NHLH2: variants seen among roughly 807,000 people sequenced by gnomAD.
NHLH2 encodes the protein helix-loop-helix protein 2.
Under a neutral mutation model 7.3 loss-of-function variants are expected in NHLH2, and 7 were observed. That is an observed-to-expected ratio of 0.96 (90% confidence interval 0.55 to 1.81). The LOEUF is 1.81. Ranked by LOEUF, NHLH2 falls within the 40% of genes most tolerant of loss-of-function variation. NHLH2 has a pLI of 0.00. For missense variants in NHLH2, 155 were observed against 194.0 expected, an observed-to-expected ratio of 0.80 and a Z score of 1.19; for synonymous variants, 93 against 91.6, an observed-to-expected ratio of 1.01 and a Z score of -0.09.
In NHLH2 at chr1:115,838,200, G is replaced by C. The variant is rs750596372; in HGVS notation, c.173C>G (p.Pro58Arg). ...CTCGCGGCTCAGCTGCTGCGGGTGCGGGTAGAGCGCGGCTCGGCTGCCGCC... is the reference window on the plus strand; with the variant it reads ...CTCGCGGCTCAGCTGCTGCGGGTGCCGGTAGAGCGCGGCTCGGCTGCCGCC... The part of the protein sequence containing the change: ...GKGGSRAALY[P>R]HPQQLSREEK... The change falls in exon 3 of 3, where the codon CCG becomes CGG. Residue 58 changes from proline (P) to arginine (R), a missense_variant. Coordinates refer to ENST00000320238, the MANE Select transcript of NHLH2 (RefSeq NM_005599.3). 3.2e-6 allele frequency: 5 copies of C among 1,567,118 alleles called. No homozygotes were observed. The highest frequency in any genetic ancestry group is 2.3e-5 in the South Asian group (2 of 86,420).
In NHLH2 at chr1:115,837,887, C is replaced by A; in HGVS notation, c.*78G>T. ...CGCTGGGCCACCGCAGCCTCCGCCA[C>A]CCGAGCGACGGCGCCCGTCCGGATC... On this transcript the variant is annotated 3_prime_UTR_variant, in exon 3 of 3. Coordinates refer to ENST00000320238, the MANE Select transcript of NHLH2 (RefSeq NM_005599.3). The A allele has an allele frequency of 1.4e-6, 2 of 1,477,154 alleles. No homozygotes were observed. The highest frequency in any genetic ancestry group is 1.8e-6 in the Non-Finnish European group (2 of 1,109,006). The allele number at this position is 1,477,154 out of a possible 1,614,324, so 91.5% of individuals were successfully genotyped here.
Position 115,836,388 on chromosome 1 carries a change from C to T in NHLH2, c.*1577G>A, listed in dbSNP as rs1650871966. The T allele has an allele frequency of 6.6e-6, 1 of 152,418 alleles. No individual in the cohort carries two copies. Among genetic ancestry groups the T allele is most frequent in the South Asian group, 2.1e-4 (1 of 4,830 alleles). The allele number at this position is 152,418 out of a possible 1,614,324, so 9.4% of individuals were successfully genotyped here. ...ATAAAAGAGAGGACTTTATTTGATA[C>T]CTTTATTTATATGCAAAACAGCGCA... On this transcript the variant is annotated 3_prime_UTR_variant, in exon 3 of 3. Coordinates refer to ENST00000320238, the MANE Select transcript of NHLH2 (RefSeq NM_005599.3).
chr1:115,838,208 C>G lies in NHLH2; in HGVS notation c.165G>C (p.Ala55=). Residue 55 remains alanine, a synonymous_variant, in exon 3 of 3, where the codon GCG becomes GCC. Coordinates refer to ENST00000320238, the MANE Select transcript of NHLH2 (RefSeq NM_005599.3). The part of the protein sequence containing the change: ...EGDGKGGSRA[A]LYPHPQQLSR... The stretch of plus-strand genomic sequence containing the variant: ...TCAGCTGCTGCGGGTGCGGGTAGAG[C>G]GCGGCTCGGCTGCCGCCCTTGCCGT... The G allele has an allele frequency of 6.4e-7, 1 of 1,560,300 alleles. No homozygotes were observed. The highest frequency in any genetic ancestry group is 1.2e-5 in the South Asian group (1 of 85,726).
downstream of NHLH2, among the ~76,000 whole-genome samples, chr1:115,833,389 T>A (rs1267478677): frequency 5.3e-5 from 8 of 152,202 alleles, no homozygotes; most frequent in African/African-American, 1.7e-4. Context: ...GTTGGGCAGC[T>A]GTGTGTACTG....
intron 2 of NHLH2, chr1:115,839,545 C>G (rs948669848): frequency 1.2e-5 from 2 of 166,854 alleles, no homozygotes; most frequent in East Asian, 1.9e-4. Context: ...GGGAGGGGGC[C>G]GCTCAGAACC....
chr1:115,838,768 C>G (rs934876459), intron 2 of NHLH2: 3 of 210,084 alleles, frequency 1.4e-5, no homozygotes, highest in South Asian at 1.6e-4. Flanking sequence ...CCCTTCGTCC[C>G]CTTCCCGGAC....
intron 2 of NHLH2, 130 bp from the exon 3 acceptor site, chr1:115,838,510 G>C (rs529664761): frequency 2.9e-6 from 3 of 1,042,202 alleles, no homozygotes; most frequent in Admixed American, 2.5e-5. Flanking sequence ...ACAGCAGGCC[G>C]GCGCGCGACG....
intron 2 of NHLH2, chr1:115,838,595 C>T (rs1446236677): frequency 2.0e-6 from 1 of 490,738 alleles, no homozygotes. Context: ...CCGGCGGGGA[C>T]GCGGTTGACC....
downstream of NHLH2, among the ~76,000 whole-genome samples, chr1:115,833,623 A>T (rs928812746): frequency 2.0e-5 from 3 of 152,184 alleles, no homozygotes; most frequent in Non-Finnish European, 4.4e-5. Flanking sequence ...TAAGCCTCAA[A>T]TTCCTCATCT....
downstream of NHLH2, among the ~76,000 whole-genome samples, chr1:115,835,779 G>A (rs1042568282): frequency 2.6e-5 from 4 of 152,030 alleles, no homozygotes; most frequent in Non-Finnish European, 4.4e-5. Context: ...AATACATTTC[G>A]CATTTTTATA....
chr1:115,831,666 C>A (rs1333866117), downstream of NHLH2, among the ~76,000 whole-genome samples: 1 of 91,586 alleles, frequency 1.1e-5, no homozygotes, highest in African/African-American at 4.0e-5. Flanking sequence ...CGCCTGTAAT[C>A]CCAGCACTTT....
At chr1:115,833,036 A>G (rs1361245033), downstream of NHLH2, among the ~76,000 whole-genome samples, 1 of 152,216 alleles carries the variant, frequency 6.6e-6, no homozygotes, top group African/African-American at 2.4e-5. Context: ...AAGACTGTGA[A>G]ACATTTCTAT....
downstream of NHLH2, among the ~76,000 whole-genome samples, chr1:115,835,603 A>G (rs1650849048): frequency 6.6e-6 from 1 of 152,244 alleles, no homozygotes; most frequent in African/African-American, 2.4e-5. Flanking sequence ...AGTGAAGAAT[A>G]CCAGCAATCC....
downstream of NHLH2, among the ~76,000 whole-genome samples, chr1:115,832,993 T>TAAA (rs1650787305): frequency 6.6e-6 from 1 of 152,040 alleles, no homozygotes; most frequent in Non-Finnish European, 1.5e-5. Context: ...CTCTGGAGAG[T>TAAA]GGCTGAAAAT....
downstream of NHLH2, among the ~76,000 whole-genome samples, chr1:115,832,050 A>C (rs1265282057): frequency 6.6e-6 from 1 of 152,168 alleles, no homozygotes; most frequent in Non-Finnish European, 1.5e-5. Context: ...CAGGCCTGAA[A>C]ACTGGCCCTC....
At position 115,838,286 on chromosome 1, in the gene NHLH2, G is replaced by C. The variant is rs762295126; in HGVS notation, c.87C>G (p.Thr29=). The change falls in exon 3 of 3, where the codon ACC becomes ACG. Residue 29 remains threonine, a synonymous_variant. Transcript: ENST00000320238. ...SDPESLGGTD[T]KVLGSVSDLE... ...GGTCCGACACGCTGCCGAGCACCTT[G>C]GTGTCCGTGCCGCCCAGGGACTCCG... The C allele has an allele frequency of 1.9e-6, 3 of 1,607,610 alleles. No homozygotes were observed. The highest frequency in any genetic ancestry group is 2.2e-5 in the East Asian group (1 of 44,706).
Position 115,838,210 on chromosome 1 carries a change from C to G in NHLH2, c.163G>C (p.Ala55Pro). The change falls in exon 3 of 3, where the codon GCG becomes CCG. Residue 55 changes from alanine to proline, a missense_variant. By Grantham distance (27) the Ala-to-Pro change is conservative (BLOSUM62 -1). Coordinates refer to ENST00000320238, the MANE Select transcript of NHLH2 (RefSeq NM_005599.3). ...AGCTGCTGCGGGTGCGGGTAGAGCG[C>G]GGCTCGGCTGCCGCCCTTGCCGTCG... is the stretch of plus-strand genomic sequence containing the variant. ...EGDGKGGSRA[A>P]LYPHPQQLSR... is the part of the protein sequence containing the mutation. The G allele has an allele frequency of 6.4e-7, 1 of 1,559,758 alleles. No individual in the cohort carries two copies. Among genetic ancestry groups the G allele is most frequent in the Non-Finnish European group, 8.7e-7 (1 of 1,154,646 alleles).
rs780098027 is a variant in NHLH2 at position 115,838,090 on chromosome 1, A to T, written c.283T>A (p.Leu95Met). Residue 95 changes from leucine (L) to methionine (M), a missense_variant, in exon 3 of 3, where the codon TTG becomes ATG. Physicochemically the swap from Leu to Met is conservative, Grantham distance 15. This residue lies in a region of NHLH2 where 64 missense variants were observed against 107.4 expected (regional missense o/e 0.60). Transcript: ENST00000320238. ...AATTTGCGGAGCTCGGCGAAGGCCA[A>T]GTTGAAGGCTTCCACGCGGATGCGC... The part of the protein sequence containing the change: ...RERIRVEAFN[L>M]AFAELRKLLP... The T allele has an allele frequency of 6.2e-7, 1 of 1,608,568 alleles. No individual in the cohort carries two copies. Among genetic ancestry groups the T allele is most frequent in the Non-Finnish European group, 8.5e-7 (1 of 1,177,964 alleles).
chr1:115,831,673 C>T (rs1372172209), downstream of NHLH2, among the ~76,000 whole-genome samples: 1 of 34,480 alleles, frequency 2.9e-5, no homozygotes, highest in Non-Finnish European at 6.5e-5. Context: ...AATCCCAGCA[C>T]TTTGAAAGGC....
Sources: allele counts gnomAD v4.1 joint callset (sites outside exome capture counted in the v4.1 genomes callset), GRCh38; gene constraint gnomAD v4.1.1; regional missense constraint gnomAD v4.1.1; transcripts MANE v1.5; gene names NCBI Gene and HGNC (gene_info 2026-07-23, HGNC 2026-07-21).